ZNF440: variants seen among roughly 807,000 people sequenced by gnomAD.
ZNF440 encodes zinc finger protein 440.
A neutral mutation model predicts 49.7 loss-of-function variants in ZNF440; 47 were observed. The ratio of observed to expected loss-of-function variants is 0.95; its 90% CI spans 0.75 to 1.21. ZNF440 has a LOEUF of 1.21. Among genes scored for constraint, ZNF440 ranks in the 50% most tolerant of loss-of-function variants. The pLI is 0.00. For synonymous variants in ZNF440, 255 were observed against 237.7 expected (o/e 1.07, Z -0.67); for missense variants, 703 against 715.0 (o/e 0.98, Z 0.19).
intron 1 of ZNF440, among the ~76,000 whole-genome samples, chr19:11,825,128 G>A (rs1137417): frequency 1.3e-5 from 2 of 151,306 alleles, no homozygotes; most frequent in Non-Finnish European, 2.9e-5. Context: ...GGCCAGCCTA[G>A]GCAACATAGC....
chr19:11,819,442 A>T (rs1184686989), intron 1 of ZNF440, among the ~76,000 whole-genome samples: 2 of 152,188 alleles, frequency 1.3e-5, no homozygotes, highest in Non-Finnish European at 2.9e-5. Flanking sequence ...TCTGTCACCC[A>T]GGCTGGAGCG....
intron 1 of ZNF440, chr19:11,816,348 G>T (rs200962262): frequency 8.0e-4 from 121 of 150,618 alleles, no homozygotes; most frequent in African/African-American, 9.1e-4. Flanking sequence ...CCTGTTTCTC[G>T]AGATTTTATG....
intron 1 of ZNF440, among the ~76,000 whole-genome samples, chr19:11,814,949 T>C (rs1961251958): frequency 6.6e-6 from 1 of 151,988 alleles, no homozygotes; most frequent in African/African-American, 2.4e-5. Context: ...GACCTCACAA[T>C]CTAAACTAAC....
At chr19:11,823,866 G>C (rs1975828400) in intron 1 of ZNF440, among the ~76,000 whole-genome samples, 1 of 152,056 alleles carries the variant, frequency 6.6e-6, no homozygotes, top group Non-Finnish European at 1.5e-5. Flanking sequence ...GGAGGCTGAA[G>C]CAGGAGAATC....
rs191911697 is a variant in ZNF440, at chr19:11,820,904, G to T, written c.3+6454G>T. On this transcript the variant is annotated intron_variant, in intron 1 of 3. Transcript: ENST00000304060. ...GGAAAGGCCACTTCAACGGGGTGGA[G>T]CAATAGCCTGCAAAGCAAAATATAC... Among the ~76,000 whole-genome samples the T allele has an allele frequency of 8.5e-5, 13 of 152,260 alleles. No individual in the cohort carries two copies. In the East Asian group the frequency reaches 2.5e-3, roughly 29 times the overall value.
intron 1 of ZNF440, among the ~76,000 whole-genome samples, chr19:11,825,503 G>A (rs979321548): frequency 2.0e-5 from 3 of 152,102 alleles, no homozygotes; most frequent in Admixed American, 6.6e-5. Flanking sequence ...AAATGATGAT[G>A]TTCCTGCCTC....
chr19:11,819,428 T>C (rs1403847043), intron 1 of ZNF440, among the ~76,000 whole-genome samples: 4 of 152,186 alleles, frequency 2.6e-5, no homozygotes, highest in African/African-American at 9.7e-5. Context: ...AGACACAATC[T>C]TACTCTGTCA....
chr19:11,827,156 CG>C (rs1268625920), intron 1 of ZNF440, among the ~76,000 whole-genome samples: 2 of 151,876 alleles, frequency 1.3e-5, no homozygotes, highest in Admixed American at 6.6e-5. Flanking sequence ...CTCTGTCTCC[CG>C]GGTTCCAGTG....
chr19:11,814,294 T>A lies in ZNF440; in HGVS notation c.-154T>A, dbSNP rs914801750. 1.4e-5 allele frequency: 11 copies of A among 761,904 alleles called. No homozygotes were observed. The highest frequency in any genetic ancestry group is 1.5e-5 in the Non-Finnish European group (8 of 521,056). The allele number at this position is 761,904 out of a possible 1,614,324, so 47.2% of individuals were successfully genotyped here. A position where few individuals can be genotyped will look rare whatever the true frequency, so the allele number is the denominator to read the frequency against. ...AGTCGCCCTCCGTCCATTCCTTTAG[T>A]GCTGCGCCGACAGCGGTCAGGATCT... is the stretch of plus-strand genomic sequence containing the variant. On this transcript the variant is annotated 5_prime_UTR_variant, in exon 1 of 4. Coordinates refer to ENST00000304060, the MANE Select transcript of ZNF440 (RefSeq NM_152357.3).
intron 1 of ZNF440, among the ~76,000 whole-genome samples, chr19:11,828,302 T>TC (rs57988559): frequency 0.95 from 144,272 of 152,002 alleles, 68,549 homozygotes; most frequent in East Asian, 1. Context: ...CAAATGATTC[T>TC]CCACGTCCCA....
chr19:11,816,632 C>CTTTGTT (rs1353503835), intron 1 of ZNF440: 1 of 152,074 alleles, frequency 6.6e-6, no homozygotes, highest in Non-Finnish European at 1.5e-5. Flanking sequence ...TGGGAAGGTA[C>CTTTGTT]TTTGTTTTTG....
At chr19:11,818,960 A>AT in intron 1 of ZNF440, among the ~76,000 whole-genome samples, 1 of 152,288 alleles carries the variant, frequency 6.6e-6, no homozygotes, top group Non-Finnish European at 1.5e-5. Flanking sequence ...TGTGATAGCC[A>AT]TGAAGTCTTT....
intron 1 of ZNF440, among the ~76,000 whole-genome samples, chr19:11,821,843 A>ATTCCTTATACTTTCTCAACCTGG (rs1975804098): frequency 6.6e-6 from 1 of 152,248 alleles, no homozygotes; most frequent in South Asian, 2.1e-4. Flanking sequence ...TGCGTAGGTC[A>ATTCCTTATACTTTCTCAACCTGG]GTGAGACACA....
At position 11,833,725 on chromosome 19, in the gene ZNF440, C is replaced by A. The variant is rs1054519971; in HGVS notation, c.*761C>A. On this transcript the variant is annotated 3_prime_UTR_variant, in exon 4 of 4. Coordinates refer to ENST00000304060, the MANE Select transcript of ZNF440 (RefSeq NM_152357.3). The stretch of plus-strand genomic sequence containing the variant: ...CTTCAATATCATGAAAGGACTCACA[C>A]TGGAGAGAAGCCCTATGAATATAAG... 1 of 766,146 alleles carries A rather than the reference C, an allele frequency of 1.3e-6. No individual in the cohort carries two copies. Among genetic ancestry groups the A allele is most frequent in the Non-Finnish European group, 2.0e-6 (1 of 506,308 alleles). 47.5% of individuals were successfully genotyped at this position (766,146 alleles called of 1,614,324 possible).
Position 11,832,765 on chromosome 19 carries a change from T to C in ZNF440, c.1589T>C (p.Phe530Ser), listed in dbSNP as rs535234979. Residue 530 changes from phenylalanine to serine, a missense_variant, in exon 4 of 4, where the codon TTT (phenylalanine) becomes TCT (serine). By Grantham distance (155) the Phe-to-Ser change is radical. Transcript: ENST00000304060. ...AAGCCTTCAGAGCTGTGTCAATCCT[T>C]TGAATGCATGGTAGGACTCACCCTG... Reference protein sequence around the residue: ...VGKPSELCQSFECMVGLTLKR... With the variant: ...VGKPSELCQSSECMVGLTLKR... 2 of 1,613,084 alleles carry C rather than the reference T, an allele frequency of 1.2e-6. No homozygotes were observed. Among genetic ancestry groups the C allele is most frequent in the Non-Finnish European group, 1.7e-6 (2 of 1,179,734 alleles).
intron 1 of ZNF440, among the ~76,000 whole-genome samples, chr19:11,822,112 G>C (rs1050708184): frequency 6.6e-6 from 1 of 152,174 alleles, no homozygotes; most frequent in Non-Finnish European, 1.5e-5. Context: ...CTGTGAAGTC[G>C]CACTGTGATT....
intron 1 of ZNF440, among the ~76,000 whole-genome samples, chr19:11,815,301 CA>C (rs1975719475): frequency 6.6e-6 from 1 of 150,906 alleles, no homozygotes; most frequent in Non-Finnish European, 1.5e-5. Context: ...CACACACACA[CA>C]CACACACACA....
rs755301419 is a variant in ZNF440, at chr19:11,831,548, C to T, written c.372C>T (p.Asn124=). The part of the protein sequence containing the change: ...VGLGNSSFNM[N]IRGDIGHKAY... Reference sequence around the variant, plus strand: ...TAGGTAACTCATCTTTTAATATGAACATCAGAGGTGACATTGGACACAAGG... The same window carrying T: ...TAGGTAACTCATCTTTTAATATGAATATCAGAGGTGACATTGGACACAAGG... Residue 124 remains asparagine, a synonymous_variant, in exon 4 of 4, where the codon AAC becomes AAT. Coordinates refer to ENST00000304060, the MANE Select transcript of ZNF440 (RefSeq NM_152357.3). 5.0e-6 allele frequency: 8 copies of T among 1,613,918 alleles called. No individual in the cohort carries two copies. In the Admixed American group the frequency reaches 6.7e-5, roughly 13 times the overall value.
chr19:11,831,943 A>T lies in ZNF440; in HGVS notation c.767A>T (p.Tyr256Phe). 1 of 1,614,096 alleles carries T rather than the reference A, an allele frequency of 6.2e-7. No individual in the cohort carries two copies. Among genetic ancestry groups the T allele is most frequent in the Non-Finnish European group, 8.5e-7 (1 of 1,179,980 alleles). Residue 256 changes from tyrosine to phenylalanine, a missense_variant, in exon 4 of 4, where the codon TAT becomes TTT. Coordinates refer to ENST00000304060, the MANE Select transcript of ZNF440 (RefSeq NM_152357.3). The stretch of plus-strand genomic sequence containing the variant: ...AGAACTCACACTGGAGAAAAGCCTT[A>T]TGAATATCAGGAGTGTGGGAAAGCA... ...HKRTHTGEKP[Y>F]EYQECGKAFH...
Sources: gnomAD v4.1 joint callset for allele counts (sites outside exome capture counted in the v4.1 genomes callset) on GRCh38, gnomAD v4.1.1 for gene constraint, MANE v1.5 for transcripts, NCBI Gene and HGNC (gene_info 2026-07-23, HGNC 2026-07-21) for gene names.